Variants in MBD5 observed in about 807,000 individuals in gnomAD.
MBD5 encodes the protein methyl-CpG binding domain protein 5.
MBD5 carries 13 observed loss-of-function variants against 117.3 expected under a neutral mutation model. The ratio of observed to expected loss-of-function variants is 0.11; its 90% CI spans 0.07 to 0.18. The LOEUF (loss-of-function observed/expected upper bound fraction) is 0.18. MBD5 is among the 10% of genes least tolerant of loss of function. The pLI is 1.00. For missense variants in MBD5, 1,879 were observed against 2,093.8 expected (o/e 0.90, Z 2.00); for synonymous variants, 727 against 766.4 (o/e 0.95, Z 0.85).
chr2:148,474,597 A>G (rs1680900910), intron 8 of MBD5, among the ~76,000 whole-genome samples: 1 of 152,168 alleles, frequency 6.6e-6, no homozygotes, highest in Non-Finnish European at 1.5e-5. Context: ...CTGAGGGGAC[A>G]CGGTATGGGT....
intron 2 of MBD5, among the ~76,000 whole-genome samples, chr2:148,224,920 T>C (rs1699784523): frequency 6.6e-6 from 1 of 152,152 alleles, no homozygotes; most frequent in Admixed American, 6.5e-5. Context: ...AATATTTTTT[T>C]TTCCATCCCA....
At chr2:148,430,998 T>TTGGA (rs1705967791) in intron 4 of MBD5, among the ~76,000 whole-genome samples, 1 of 152,150 alleles carries the variant, frequency 6.6e-6, no homozygotes, top group Admixed American at 6.6e-5. Flanking sequence ...AGTTTACTGA[T>TTGGA]TGGAGTACAG....
chr2:148,344,232 T>C (rs939860215), intron 4 of MBD5, among the ~76,000 whole-genome samples: 1 of 152,112 alleles, frequency 6.6e-6, no homozygotes, highest in Non-Finnish European at 1.5e-5. Context: ...TAGTATAGTT[T>C]GAAGTTGGGT....
chr2:148,458,463 G>A lies in MBD5; in HGVS notation c.-296G>A, dbSNP rs886054905. Reference sequence around the variant, plus strand: ...CCACCCCCACTTCAGACAGGTACCAGCATTGGTGAATTATGATTTTCCTTA... The same window carrying A: ...CCACCCCCACTTCAGACAGGTACCAACATTGGTGAATTATGATTTTCCTTA... On this transcript the variant is annotated 5_prime_UTR_variant, in exon 5 of 14. Transcript: ENST00000642680. 2 of 579,692 alleles carry A rather than the reference G, an allele frequency of 3.5e-6. No individual in the cohort carries two copies. The highest frequency in any genetic ancestry group is 5.5e-5 in the East Asian group (2 of 36,086). 35.9% of individuals were successfully genotyped at this position (579,692 alleles called of 1,614,324 possible). A position where few individuals can be genotyped will look rare whatever the true frequency, so the allele number is the denominator to read the frequency against.
chr2:148,483,121 C>G lies in MBD5; in HGVS notation c.2530C>G (p.Pro844Ala). The change falls in exon 9 of 14, where the codon CCA becomes GCA. Residue 844 changes from proline to alanine, a missense_variant. Physicochemically the swap from Pro to Ala is conservative, Grantham distance 27. This residue lies in a region of MBD5 where 1,666 missense variants were observed against 1,792.2 expected (regional missense o/e 0.93). Coordinates refer to ENST00000642680, the MANE Select transcript of MBD5 (RefSeq NM_001378120.1). ...QTSSEAGGSG[P>A]SSSIAIAGTN... ...TTTTTTCATTTTAGGCGGTTCAGGA[C>G]CATCATCCTCCATAGCCATAGCGGG... 1 of 1,610,524 alleles carries G rather than the reference C, an allele frequency of 6.2e-7. No homozygotes were observed. The highest frequency in any genetic ancestry group is 1.1e-5 in the South Asian group (1 of 91,024).
chr2:148,417,389 T>A (rs1705456731), intron 4 of MBD5, among the ~76,000 whole-genome samples: 1 of 150,034 alleles, frequency 6.7e-6, no homozygotes, highest in Non-Finnish European at 1.5e-5. Flanking sequence ...TCTCCCATCC[T>A]TGGCCTCCCA....
intron 1 of MBD5, among the ~76,000 whole-genome samples, chr2:148,149,828 T>A (rs940111664): frequency 6.6e-6 from 1 of 151,520 alleles, no homozygotes; most frequent in Non-Finnish European, 1.5e-5. Context: ...TCATTGTAGA[T>A]CCTGGATATT....
chr2:148,205,437 A>G (rs564950684), intron 2 of MBD5, among the ~76,000 whole-genome samples: 1 of 152,304 alleles, frequency 6.6e-6, no homozygotes, highest in African/African-American at 2.4e-5. Context: ...ACAAAAAATA[A>G]AAGTATCAGC....
At chr2:148,401,983 T>C (rs1704936484) in intron 4 of MBD5, among the ~76,000 whole-genome samples, 1 of 152,126 alleles carries the variant, frequency 6.6e-6, no homozygotes, top group Non-Finnish European at 1.5e-5. Context: ...ATTAAGATTA[T>C]GCATTTTGAA....
intron 8 of MBD5, chr2:148,471,762 A>G (rs1680803134): frequency 6.6e-6 from 1 of 152,052 alleles, no homozygotes; most frequent in Non-Finnish European, 1.5e-5. Context: ...TGCCTTCTTG[A>G]TATTCTTAGT....
chr2:148,378,826 T>A (rs1162574018), intron 4 of MBD5, among the ~76,000 whole-genome samples: 3 of 152,080 alleles, frequency 2.0e-5, no homozygotes, highest in East Asian at 3.9e-4. Flanking sequence ...ATTAGGTAAT[T>A]ACAAATGTAT....
intron 1 of MBD5, among the ~76,000 whole-genome samples, chr2:148,051,453 C>T (rs1433034555): frequency 1.3e-5 from 2 of 150,354 alleles, no homozygotes; most frequent in African/African-American, 2.4e-5. Flanking sequence ...ATGCTTAGTA[C>T]AATATTGAAT....
chr2:148,199,766 A>G (rs527449200), intron 2 of MBD5, among the ~76,000 whole-genome samples: 3 of 152,296 alleles, frequency 2.0e-5, no homozygotes, highest in African/African-American at 7.2e-5. Context: ...TCTCAAAAAA[A>G]AAAAGAAAAG....
chr2:148,322,471 A>T (rs887432792), intron 3 of MBD5, among the ~76,000 whole-genome samples: 9 of 152,190 alleles, frequency 5.9e-5, no homozygotes, highest in South Asian at 2.1e-4. Context: ...AGAGTTGCTC[A>T]TTTTTATGAA....
At chr2:148,139,112 T>G (rs1257703016) in intron 1 of MBD5, among the ~76,000 whole-genome samples, 1 of 152,228 alleles carries the variant, frequency 6.6e-6, no homozygotes, top group African/African-American at 2.4e-5. Flanking sequence ...TATGCCCTAT[T>G]GATTATCTAT....
At chr2:148,280,605 A>AT (rs1701226243) in intron 3 of MBD5, among the ~76,000 whole-genome samples, 2 of 151,806 alleles carry the variant, frequency 1.3e-5, no homozygotes, top group Admixed American at 1.3e-4. Flanking sequence ...TTATTTTTGT[A>AT]TTTTTGGTAG....
chr2:148,469,017 T>C lies in MBD5; in HGVS notation c.1074T>C (p.Leu358=), dbSNP rs751940096. 97 of 1,613,904 alleles carry C rather than the reference T, an allele frequency of 6.0e-5. No homozygotes were observed. The highest frequency in any genetic ancestry group is 6.9e-5 in the Non-Finnish European group (82 of 1,179,956). The change falls in exon 8 of 14, where the codon CTT becomes CTC. Residue 358 remains leucine, a synonymous_variant. Transcript: ENST00000642680. ...CATTAACATCTGAGAAAGATCCACT[T>C]GGCATTCTTGACCCTATTCCTAGTA... ...KKPLTSEKDP[L]GILDPIPSKP...
In MBD5 at chr2:148,218,325, A is replaced by C. The variant is rs76932805; in HGVS notation, c.-830-14920A>C. ...GATACCTGAGACATTTTTTTTTCTC[A>C]GTATGAACAGCAGGATTGCAAGGGA... On this transcript the variant is annotated intron_variant, in intron 2 of 13. Transcript: ENST00000642680. 8.7e-3 allele frequency among the ~76,000 whole-genome samples: 1,329 copies of C among 152,152 alleles called. 46 individuals are homozygous for C. The highest frequency in any genetic ancestry group is 0.057 in the Admixed American group (877 of 15,288).
At chr2:148,343,066 T>C (rs1161992839) in intron 4 of MBD5, among the ~76,000 whole-genome samples, 1 of 152,096 alleles carries the variant, frequency 6.6e-6, no homozygotes, top group Non-Finnish European at 1.5e-5. Flanking sequence ...CTTAGGATAA[T>C]GGCCTCCAGC....
Sources: allele counts gnomAD v4.1 joint callset (sites outside exome capture counted in the v4.1 genomes callset), GRCh38; gene constraint gnomAD v4.1.1; regional missense constraint gnomAD v4.1.1; transcripts MANE v1.5; gene names NCBI Gene and HGNC (gene_info 2026-07-23, HGNC 2026-07-21).